The following CAST variants were observed in gnomAD, a reference collection of about 807,000 sequenced individuals.
CAST encodes the protein calpastatin, also known as MIR583 host.
A neutral mutation model predicts 119.6 loss-of-function variants in CAST; 76 were observed. The ratio of observed to expected loss-of-function variants is 0.64; its 90% CI spans 0.53 to 0.77. The LOEUF (loss-of-function observed/expected upper bound fraction) is 0.77, where lower values mean the gene tolerates loss of function less well. CAST is among the 30% of genes least tolerant of loss of function. The probability of loss-of-function intolerance (pLI) is 0.00; values close to 1 mark genes in which losing one functional copy is unlikely to be tolerated. For missense variants in CAST, 953 were observed against 946.5 expected (o/e 1.01, Z -0.09); for synonymous variants, 319 against 331.6 (o/e 0.96, Z 0.41).
At chr5:96,229,322 T>A in the CAST span, among the ~76,000 whole-genome samples, 1 of 151,504 alleles carries the variant, frequency 6.6e-6, no homozygotes, top group Admixed American at 6.6e-5. Flanking sequence ...CCATAGGCCA[T>A]CAAATGACCT....
the CAST span, among the ~76,000 whole-genome samples, chr5:96,224,382 G>C: frequency 6.6e-6 from 1 of 152,132 alleles, no homozygotes; most frequent in Non-Finnish European, 1.5e-5. Context: ...TAAGGAAAAA[G>C]GGGTCTTTTT....
intron 1 of CAST, among the ~76,000 whole-genome samples, chr5:96,603,199 C>G: frequency 6.6e-6 from 1 of 152,124 alleles, no homozygotes; most frequent in East Asian, 1.9e-4. Flanking sequence ...AAGAATAGGG[C>G]GTTGTAATGG....
the CAST span, among the ~76,000 whole-genome samples, chr5:96,514,496 AG>A: frequency 1.3e-5 from 2 of 152,318 alleles, no homozygotes; most frequent in South Asian, 2.1e-4. Flanking sequence ...AATATCTGGA[AG>A]GGTATTCTAT....
the CAST span, among the ~76,000 whole-genome samples, chr5:96,489,560 A>G: frequency 9.3e-4 from 142 of 152,344 alleles, 2 homozygotes; most frequent in African/African-American, 3.2e-3. Context: ...AGGGACACTC[A>G]ATATGAGCAC....
chr5:96,243,109 A>G, the CAST span, among the ~76,000 whole-genome samples: 1 of 151,936 alleles, frequency 6.6e-6, no homozygotes, highest in Admixed American at 6.6e-5. Context: ...AAGGATAAAT[A>G]AGGTATGGTT....
At chr5:96,070,224 A>G in the CAST span, among the ~76,000 whole-genome samples, 4 of 152,104 alleles carry the variant, frequency 2.6e-5, no homozygotes, top group Non-Finnish European at 4.4e-5. Flanking sequence ...CTTCCTCTCC[A>G]TTTCCAAAGC....
At chr5:96,576,176 T>A (rs1746665243) in intron 1 of CAST, among the ~76,000 whole-genome samples, 1 of 152,210 alleles carries the variant, frequency 6.6e-6, no homozygotes, top group African/African-American at 2.4e-5. Flanking sequence ...TTGTTTTCTT[T>A]TTTTACTATC....
chr5:96,661,964 A>G (rs184163171), upstream of CAST: 600 of 157,898 alleles, frequency 3.8e-3, 11 homozygotes, highest in South Asian at 0.032. Flanking sequence ...GCTAAAGCGG[A>G]GCAGAATGTA....
At chr5:96,399,293 A>G in the CAST span, among the ~76,000 whole-genome samples, 1 of 152,186 alleles carries the variant, frequency 6.6e-6, no homozygotes, top group Non-Finnish European at 1.5e-5. Context: ...ACCCATCAAA[A>G]AGCCCCTCTT....
chr5:96,403,027 C>T, the CAST span, among the ~76,000 whole-genome samples: 1 of 152,128 alleles, frequency 6.6e-6, no homozygotes, highest in African/African-American at 2.4e-5. Flanking sequence ...CCGTTTGGAT[C>T]ATCAGTATGT....
intron 5 of CAST, among the ~76,000 whole-genome samples, 155 bp downstream of exon 5, chr5:96,727,014 G>A (rs1398297797): frequency 6.6e-6 from 1 of 152,102 alleles, no homozygotes; most frequent in Non-Finnish European, 1.5e-5. Context: ...CCACATTCTG[G>A]CACTAAAAGT....
chr5:96,254,421 T>C, the CAST span, among the ~76,000 whole-genome samples: 1 of 152,154 alleles, frequency 6.6e-6, no homozygotes, highest in African/African-American at 2.4e-5. Flanking sequence ...CTAAATTCCA[T>C]ACCTTTTCTC....
the CAST span, among the ~76,000 whole-genome samples, chr5:96,472,967 T>C: frequency 6.6e-6 from 1 of 152,194 alleles, no homozygotes; most frequent in East Asian, 1.9e-4. Flanking sequence ...GAAGCATTCC[T>C]TGGCTTGTGG....
At chr5:96,256,980 G>A in the CAST span, among the ~76,000 whole-genome samples, 28 of 152,252 alleles carry the variant, frequency 1.8e-4, no homozygotes, top group African/African-American at 6.3e-4. Context: ...GCATGACGTC[G>A]TCTTCTTTTC....
the CAST span, among the ~76,000 whole-genome samples, chr5:96,068,429 C>T: frequency 6.6e-6 from 1 of 152,052 alleles, no homozygotes; most frequent in African/African-American, 2.4e-5. Context: ...GGTCCCTGTG[C>T]CCTACTGCCT....
the CAST span, among the ~76,000 whole-genome samples, chr5:96,168,217 C>G: frequency 5.9e-4 from 90 of 152,252 alleles, no homozygotes; most frequent in Admixed American, 7.8e-4. Flanking sequence ...GAAGTTGGAA[C>G]GCTAGCTGCT....
At chr5:96,614,987 A>G (rs1322855896) in intron 1 of CAST, among the ~76,000 whole-genome samples, 1 of 152,220 alleles carries the variant, frequency 6.6e-6, no homozygotes, top group Non-Finnish European at 1.5e-5. Context: ...CCAAATTTCA[A>G]TAGTTCAACT....
At chr5:96,613,602 C>T (rs1337006573) in intron 1 of CAST, among the ~76,000 whole-genome samples, 1 of 152,038 alleles carries the variant, frequency 6.6e-6, no homozygotes, top group African/African-American at 2.4e-5. Context: ...TCTATCTGAC[C>T]CCAAATTCTG....
chr5:96,297,732 T>G, the CAST span, among the ~76,000 whole-genome samples: 2 of 152,096 alleles, frequency 1.3e-5, no homozygotes, highest in African/African-American at 4.8e-5. Context: ...CTTTTATTCT[T>G]TTTTTTTCTT....
Sources: allele counts gnomAD v4.1 joint callset (sites outside exome capture counted in the v4.1 genomes callset), GRCh38; gene constraint gnomAD v4.1.1; transcripts MANE v1.5; gene names NCBI Gene and HGNC (gene_info 2026-07-23, HGNC 2026-07-21).